The following KDM4A variants were observed in gnomAD, a reference collection of about 807,000 sequenced individuals.
KDM4A encodes lysine-specific demethylase 4A.
A neutral mutation model predicts 127.1 loss-of-function variants in KDM4A; 23 were observed. The ratio of observed to expected loss-of-function variants is 0.18; its 90% CI spans 0.13 to 0.26. The LOEUF is 0.26. Ranked by LOEUF, KDM4A falls within the 10% of genes least tolerant of loss-of-function variation. KDM4A has a pLI of 1.00. For synonymous variants in KDM4A, 443 were observed against 466.5 expected (o/e 0.95, Z 0.65); for missense variants, 890 against 1,329.1 (o/e 0.67, Z 5.14).
intron 4 of KDM4A, among the ~76,000 whole-genome samples, chr1:43,661,814 G>A (rs979487692): frequency 3.3e-5 from 5 of 151,908 alleles, no homozygotes; most frequent in African/African-American, 9.7e-5. Context: ...ATTACAACTC[G>A]GGAAAAGGAT....
chr1:43,682,677 C>T (rs545000267), intron 11 of KDM4A, among the ~76,000 whole-genome samples: 18 of 152,300 alleles, frequency 1.2e-4, no homozygotes, highest in African/African-American at 4.1e-4. Context: ...TTTGGAAGAG[C>T]AGGTTCTGTT....
chr1:43,668,282 C>T (rs1390122278), intron 9 of KDM4A, among the ~76,000 whole-genome samples: 1 of 152,066 alleles, frequency 6.6e-6, no homozygotes, highest in East Asian at 1.9e-4. Flanking sequence ...CCTACAGCCA[C>T]GCCTGGCTAA....
chr1:43,676,512 G>C (rs1307733012), intron 11 of KDM4A, among the ~76,000 whole-genome samples: 1 of 152,024 alleles, frequency 6.6e-6, no homozygotes, highest in African/African-American at 2.4e-5. Flanking sequence ...GTAGAGACAG[G>C]GTTTCACCAT....
At chr1:43,668,224 C>T (rs1050629146) in intron 9 of KDM4A, among the ~76,000 whole-genome samples, 1 of 152,174 alleles carries the variant, frequency 6.6e-6, no homozygotes, top group African/African-American at 2.4e-5. Context: ...CTCCCGGGTT[C>T]AGGCCATTCT....
chr1:43,690,263 C>G (rs1372977161), intron 13 of KDM4A, among the ~76,000 whole-genome samples: 3 of 152,110 alleles, frequency 2.0e-5, no homozygotes, highest in African/African-American at 7.2e-5. Flanking sequence ...GAGGTGGGGT[C>G]ACCGCACAGT....
At chr1:43,657,694 C>T (rs892917455) in intron 3 of KDM4A, among the ~76,000 whole-genome samples, 22 of 152,166 alleles carry the variant, frequency 1.4e-4, no homozygotes, top group Admixed American at 2.6e-4. Flanking sequence ...TGGAATTCAG[C>T]CAGGGGCTTC....
At chr1:43,689,183 T>A (rs927916923) in intron 13 of KDM4A, 88 bp downstream of exon 13, 2 of 1,411,592 alleles carry the variant, frequency 1.4e-6, no homozygotes, top group Admixed American at 1.8e-5. Context: ...TTGTCACTGG[T>A]TGTCTTGGGA....
chr1:43,701,833 T>C (rs1034610695), intron 19 of KDM4A, among the ~76,000 whole-genome samples: 1 of 152,230 alleles, frequency 6.6e-6, no homozygotes, highest in African/African-American at 2.4e-5. Flanking sequence ...ACAAAGCAGC[T>C]AGTGTAATTC....
At chr1:43,686,793 C>T (rs1403933235) in intron 12 of KDM4A, among the ~76,000 whole-genome samples, 1 of 152,206 alleles carries the variant, frequency 6.6e-6, no homozygotes, top group Admixed American at 6.5e-5. Flanking sequence ...TGCCCCTCCC[C>T]CTACTTTTAA....
At chr1:43,698,492 T>C (rs1313749666) in intron 19 of KDM4A, among the ~76,000 whole-genome samples, 2 of 152,200 alleles carry the variant, frequency 1.3e-5, no homozygotes, top group Non-Finnish European at 2.9e-5. Flanking sequence ...ACCCTTGGCC[T>C]GTTTATGTTA....
intron 3 of KDM4A, among the ~76,000 whole-genome samples, chr1:43,656,771 G>C (rs1303688298): frequency 6.6e-6 from 1 of 151,364 alleles, no homozygotes; most frequent in African/African-American, 2.4e-5. Context: ...CGTTCCCCAG[G>C]CTGGAGTGCA....
chr1:43,691,027 G>A lies in KDM4A; in HGVS notation c.2220G>A (p.Lys740=). 1 of 1,614,194 alleles carries A rather than the reference G, an allele frequency of 6.2e-7. No individual in the cohort carries two copies. Among genetic ancestry groups the A allele is most frequent in the Non-Finnish European group, 8.5e-7 (1 of 1,180,032 alleles). The change falls in exon 14 of 22, where the codon AAG becomes AAA. Residue 740 remains lysine (K), a synonymous_variant. Transcript: ENST00000372396. ...CCAGCATACTCGTTTCCTGCAAGAA[G>A]TGCAGCGTCCGGGTCCATGCCAGTG... The part of the protein sequence containing the change: ...DGTSILVSCK[K]CSVRVHASCY...
chr1:43,694,515 C>CAAAAAA lies in KDM4A; in HGVS notation c.2485-180_2485-175dup, dbSNP rs35419389. 9.3e-6 allele frequency among the ~76,000 whole-genome samples: 1 copy of CAAAAAA among 107,336 alleles called. No individual in the cohort carries two copies. Among genetic ancestry groups the CAAAAAA allele is most frequent in the African/African-American group, 3.5e-5 (1 of 28,692 alleles). 70.4% of individuals were successfully genotyped at this position (107,336 alleles called of 152,430 possible). A position where few individuals can be genotyped will look rare whatever the true frequency, so the allele number is the denominator to read the frequency against. On this transcript the variant is annotated intron_variant, in intron 17 of 21. Transcript: ENST00000372396. This position sits in a 1 kb window ranked among gnomAD's most constrained non-coding sequence, Gnocchi z 5.2. ...TGGGTGACAGAGCAAGACTCCGTCT[C>CAAAAAA]AAAAAAAAAAAAAAAAAAATTTCCT...
chr1:43,660,517 T>C (rs1660348379), intron 4 of KDM4A, 105 bp downstream of exon 4: 1 of 1,452,776 alleles, frequency 6.9e-7, no homozygotes, highest in African/African-American at 1.4e-5. Context: ...GGTGAATGGG[T>C]GGATGAACAG....
At chr1:43,703,989 C>G (rs750081695) in intron 20 of KDM4A, 31 bp from the exon 21 acceptor site, 36 of 1,589,796 alleles carry the variant, frequency 2.3e-5, no homozygotes, top group Non-Finnish European at 3.1e-5. Flanking sequence ...TCAGGGATAT[C>G]CTAGCCAAAA....
At chr1:43,666,329 A>G in intron 6 of KDM4A, 123 bp from the exon 7 acceptor site, 5 of 740,768 alleles carry the variant, frequency 6.7e-6, no homozygotes, top group Non-Finnish European at 1.1e-5. Flanking sequence ...AAGGATCCTC[A>G]GAGGTCACAT....
intron 19 of KDM4A, among the ~76,000 whole-genome samples, chr1:43,700,998 C>CT (rs1035466402): frequency 4.3e-4 from 65 of 151,708 alleles, no homozygotes; most frequent in African/African-American, 1.6e-3. Context: ...TCTTGGCTCA[C>CT]TGCAACCTCC....
At position 43,694,909 on chromosome 1, in the gene KDM4A, C is replaced by A; in HGVS notation, c.2670+15C>A. 1.3e-6 allele frequency: 2 copies of A among 1,585,124 alleles called. No homozygotes were observed. The highest frequency in any genetic ancestry group is 1.1e-5 in the South Asian group (1 of 90,030). On this transcript the variant is annotated intron_variant, in intron 18 of 21. Coordinates refer to ENST00000372396, the MANE Select transcript of KDM4A (RefSeq NM_014663.3). The surrounding 1 kb of genome is among the most constrained non-coding windows in gnomAD (Gnocchi z 5.2). ...CTAATTTGGAGGTGAGAGAGGGTGT[C>A]ATTCTAGAATCCTCTTGACAGTTTT... is the stretch of plus-strand genomic sequence containing the variant.
chr1:43,662,191 C>T (rs1476533186), intron 4 of KDM4A, among the ~76,000 whole-genome samples: 1 of 152,106 alleles, frequency 6.6e-6, no homozygotes, highest in East Asian at 1.9e-4. Context: ...TGAGCCACCA[C>T]ACCTGGCCCA....
Sources: gnomAD v4.1 joint callset for allele counts (sites outside exome capture counted in the v4.1 genomes callset) on GRCh38, gnomAD v4.1.1 for gene constraint, Gnocchi (gnomAD v3.1) non-coding constraint, MANE v1.5 for transcripts, NCBI Gene and HGNC (gene_info 2026-07-23, HGNC 2026-07-21) for gene names.